KNTC1: variants seen among roughly 807,000 people sequenced by gnomAD.
The protein encoded by KNTC1 is kinetochore-associated protein 1.
A neutral mutation model predicts 314.4 loss-of-function variants in KNTC1; 253 were observed. The ratio of observed to expected loss-of-function variants is 0.80; its 90% confidence interval spans 0.73 to 0.89. KNTC1 has a LOEUF of 0.89. Ranked by LOEUF, KNTC1 falls within the 40% of genes least tolerant of loss-of-function variation. KNTC1 has a pLI of 0.00. For synonymous variants in KNTC1, 901 were observed against 901.4 expected (o/e 1.00, Z 0.01); for missense variants, 2,475 against 2,572.9 (o/e 0.96, Z 0.82).
At chr12:122,603,293 CTT>C in intron 48 of KNTC1, 50 bp downstream of exon 48, 8 of 1,102,438 alleles carry the variant, frequency 7.3e-6, no homozygotes, top group Non-Finnish European at 9.1e-6. Context: ...AAAAAGTACT[CTT>C]TTTGCATCTT....
At chr12:122,595,382 G>C (rs1051896497) in intron 43 of KNTC1, among the ~76,000 whole-genome samples, 4 of 152,190 alleles carry the variant, frequency 2.6e-5, no homozygotes, top group Non-Finnish European at 5.9e-5. Context: ...TGATATATGA[G>C]AAAACAACAT....
intron 52 of KNTC1, 59 bp from the exon 53 acceptor site, chr12:122,610,763 T>C: frequency 9.3e-7 from 1 of 1,078,668 alleles, no homozygotes; most frequent in African/African-American, 1.5e-5. Context: ...GATAAGTCTG[T>C]TGTTTTGGTA....
At chr12:122,570,997 T>C in intron 23 of KNTC1, 28 bp from the exon 24 acceptor site, 2 of 1,606,504 alleles carry the variant, frequency 1.2e-6, no homozygotes, top group Non-Finnish European at 1.7e-6. Context: ...AAAACATTGT[T>C]TTGAACTGTC....
intron 33 of KNTC1, 61 bp from the exon 34 acceptor site, chr12:122,582,644 G>T: frequency 7.2e-7 from 1 of 1,395,076 alleles, no homozygotes; most frequent in Non-Finnish European, 9.7e-7. Context: ...TAATGAAAAT[G>T]ATTATTTTAA....
chr12:122,527,387 G>C (rs544356619), intron 1 of KNTC1, 36 bp downstream of exon 1: 2 of 157,806 alleles, frequency 1.3e-5, no homozygotes, highest in African/African-American at 4.8e-5. Flanking sequence ...AGGGAACTGG[G>C]GGTGGGTTCA....
intron 2 of KNTC1, among the ~76,000 whole-genome samples, chr12:122,532,129 A>T (rs1463378598): frequency 2.1e-5 from 3 of 144,742 alleles, no homozygotes; most frequent in Non-Finnish European, 4.5e-5. Flanking sequence ...CCACTCCTGG[A>T]TTCAAGTGAT....
At chr12:122,538,487 T>G in intron 4 of KNTC1, 33 bp downstream of exon 4, 1 of 1,197,128 alleles carries the variant, frequency 8.4e-7, no homozygotes, top group Non-Finnish European at 1.2e-6. Flanking sequence ...TTTTCATTAT[T>G]TAAATTCTAA....
chr12:122,548,399 G>A (rs1396778023), intron 12 of KNTC1, among the ~76,000 whole-genome samples: 2 of 151,962 alleles, frequency 1.3e-5, no homozygotes, highest in East Asian at 2.0e-4. Flanking sequence ...TAGTAGAGAT[G>A]GGGTTTCACC....
intron 61 of KNTC1, 116 bp downstream of exon 61, chr12:122,622,086 A>G: frequency 1.3e-6 from 1 of 790,718 alleles, no homozygotes. Flanking sequence ...GTTTATGTAT[A>G]GAATTATTTT....
At chr12:122,603,650 G>A (rs1593663715) in intron 48 of KNTC1, among the ~76,000 whole-genome samples, 1 of 152,022 alleles carries the variant, frequency 6.6e-6, no homozygotes, top group African/African-American at 2.4e-5. Flanking sequence ...GCGCCATCAT[G>A]CCCGGCTAAT....
intron 40 of KNTC1, among the ~76,000 whole-genome samples, chr12:122,589,778 T>G (rs1320054012): frequency 3.0e-5 from 4 of 135,040 alleles, no homozygotes; most frequent in Admixed American, 1.5e-4. Context: ...GCCCCCCAAT[T>G]TTTTTTTTTT....
At chr12:122,603,270 G>T in intron 48 of KNTC1, 27 bp downstream of exon 48, 43 of 1,229,306 alleles carry the variant, frequency 3.5e-5, no homozygotes, top group Middle Eastern at 2.1e-4. Flanking sequence ...TAAAATTGTA[G>T]TTAAAAAAAA....
In KNTC1 at chr12:122,546,219, C is replaced by G; in HGVS notation, c.713C>G (p.Ser238Cys). The change falls in exon 9 of 64, where the codon TCC becomes TGC. Residue 238 changes from serine (S) to cysteine (C), a missense_variant. By Grantham distance (112) the Ser-to-Cys change is moderately radical. Transcript: ENST00000333479. ...CAFSKWEPDS[S>C]KKGMTVKNLI... The stretch of plus-strand genomic sequence containing the variant: ...TTCTCAAAATGGGAACCAGATTCTT[C>G]CAAGAAAGGAATGACAGTTAAGAAC... 2 of 1,609,540 alleles carry G rather than the reference C, an allele frequency of 1.2e-6. No individual in the cohort carries two copies. The highest frequency in any genetic ancestry group is 1.7e-6 in the Non-Finnish European group (2 of 1,176,252).
At chr12:122,603,542 G>A (rs565458841) in intron 48 of KNTC1, among the ~76,000 whole-genome samples, 1 of 152,038 alleles carries the variant, frequency 6.6e-6, no homozygotes, top group African/African-American at 2.4e-5. Flanking sequence ...CGCCAGGCTG[G>A]AGTGTAGTGG....
At chr12:122,584,158 G>A (rs954465411) in intron 34 of KNTC1, 120 bp from the exon 35 acceptor site, 15 of 754,794 alleles carry the variant, frequency 2.0e-5, no homozygotes, top group African/African-American at 5.3e-5. Context: ...TATATACCAT[G>A]AGAACATTTA....
intron 1 of KNTC1, among the ~76,000 whole-genome samples, chr12:122,528,931 C>T (rs548031012): frequency 6.6e-6 from 1 of 152,214 alleles, no homozygotes; most frequent in South Asian, 2.1e-4. Flanking sequence ...CAACCTCCGC[C>T]TCCCGGGTTC....
intron 59 of KNTC1, 54 bp from the exon 60 acceptor site, chr12:122,620,425 A>G (rs1874298145): frequency 5.8e-6 from 9 of 1,553,242 alleles, no homozygotes; most frequent in Admixed American, 1.8e-5. Context: ...AGAAAGGCCA[A>G]TATAATCTAG....
chr12:122,532,915 T>A (rs1044768202), intron 2 of KNTC1, among the ~76,000 whole-genome samples: 5 of 152,174 alleles, frequency 3.3e-5, no homozygotes, highest in Non-Finnish European at 7.3e-5. Context: ...GAGCATTTCC[T>A]TAAGAAACTA....
chr12:122,561,955 A>T lies in KNTC1; in HGVS notation c.1523A>T (p.Tyr508Phe). The T allele has an allele frequency of 6.3e-7, 1 of 1,596,142 alleles. No homozygotes were observed. The highest frequency in any genetic ancestry group is 1.1e-5 in the South Asian group (1 of 89,306). Residue 508 changes from tyrosine (Y) to phenylalanine (F), a missense_variant, in exon 19 of 64, where the codon TAT (tyrosine) becomes TTT (phenylalanine). By Grantham distance (22) the Tyr-to-Phe change is conservative. Transcript: ENST00000333479. ...AAAGAAGATAAAACTGCTCTCATTTATTCTGATGGCTTGAAAGAGGTAATT... is the reference window on the plus strand; with the variant it reads ...AAAGAAGATAAAACTGCTCTCATTTTTTCTGATGGCTTGAAAGAGGTAATT... Reference protein sequence around the residue: ...LKKEDKTALIYSDGLKEVLRA... With the variant: ...LKKEDKTALIFSDGLKEVLRA...
Sources: allele counts gnomAD v4.1 joint callset (sites outside exome capture counted in the v4.1 genomes callset), GRCh38; gene constraint gnomAD v4.1.1; transcripts MANE v1.5; gene names NCBI Gene and HGNC (gene_info 2026-07-23, HGNC 2026-07-21).